The following AVPR2 variants were observed in gnomAD, a reference collection of about 807,000 sequenced individuals.
AVPR2 encodes the protein vasopressin V2 receptor.
Under a neutral mutation model 12.0 loss-of-function variants are expected in AVPR2, and 3 were observed. The observed-to-expected ratio is 0.25, with a 90% confidence interval of 0.11 to 0.64. The LOEUF is 0.64. Ranked by LOEUF, AVPR2 falls within the 30% of genes least tolerant of loss-of-function variation. The pLI is 0.84. For missense variants in AVPR2, 279 were observed against 347.9 expected (o/e 0.80, Z 1.58); for synonymous variants, 143 against 147.5 (o/e 0.97, Z 0.22).
Position 153,904,999 on chromosome X carries a change from T to C in AVPR2, c.-147T>C, listed in dbSNP as rs782507765. On this transcript the variant is annotated 5_prime_UTR_variant, in exon 2 of 4. Transcript: ENST00000646375. ...GACTGGCCATACTGCCACCGACACG[T>C]GCACACACGCCAACAGGCATCTGCC... 4.2e-5 allele frequency: 35 copies of C among 842,833 alleles called. No individual in the cohort carries two copies. Among genetic ancestry groups the C allele is most frequent in the Non-Finnish European group, 1.2e-5 (7 of 564,225 alleles). The allele number at this position is 842,833 out of a possible 1,213,427, so 69.5% of individuals were successfully genotyped here. A position where few individuals can be genotyped will look rare whatever the true frequency, so the allele number is the denominator to read the frequency against.
Position 153,905,017 on chromosome X carries a change from C to A in AVPR2, c.-129C>A, listed in dbSNP as rs1557100243. Reference sequence around the variant, plus strand: ...CGACACGTGCACACACGCCAACAGGCATCTGCCATGCTGGCATCTCTATAA... The same window carrying A: ...CGACACGTGCACACACGCCAACAGGAATCTGCCATGCTGGCATCTCTATAA... On this transcript the variant is annotated 5_prime_UTR_variant, in exon 2 of 4. Coordinates refer to ENST00000646375, the MANE Select transcript of AVPR2 (RefSeq NM_000054.7). The A allele has an allele frequency of 4.2e-6, 4 of 953,220 alleles. No homozygotes were observed. Among genetic ancestry groups the A allele is most frequent in the Non-Finnish European group, 6.0e-6 (4 of 661,992 alleles). 78.6% of individuals were successfully genotyped at this position (953,220 alleles called of 1,213,427 possible).
At position 153,906,719 on chromosome X, in the gene AVPR2, T is replaced by A; in HGVS notation, c.1107T>A (p.Thr369=). 1 of 1,210,357 alleles carries A rather than the reference T, an allele frequency of 8.3e-7. No homozygotes were observed. Among genetic ancestry groups the A allele is most frequent in the Non-Finnish European group, 1.1e-6 (1 of 894,096 alleles). The change falls in exon 4 of 4, where the codon ACT becomes ACA. Residue 369 remains threonine, a synonymous_variant. Coordinates refer to ENST00000646375, the MANE Select transcript of AVPR2 (RefSeq NM_000054.7). ...CCAGCTCCTCCCTGGCCAAGGACAC[T>A]TCATCGTGAGGAGCTGTTGGGTGTC... ...TTASSSLAKD[T]SS
chrX:153,903,996 GTTC>G (rs1252915431), upstream of AVPR2, among the ~76,000 whole-genome samples: 1 of 111,188 alleles, frequency 9.0e-6, no homozygotes, highest in Admixed American at 9.4e-5. Flanking sequence ...CTCATGGTAT[GTTC>G]AAGAACATGA....
chrX:153,906,062 G>C lies in AVPR2; in HGVS notation c.556G>C (p.Gly186Arg). The change falls in exon 3 of 4, where the codon GGC becomes CGC. Residue 186 changes from glycine (G) to arginine (R), a missense_variant. Gly to Arg is a moderately radical substitution (Grantham distance 125, BLOSUM62 -2). Coordinates refer to ENST00000646375, the MANE Select transcript of AVPR2 (RefSeq NM_000054.7). ...CTTCGCCCAGCGCAACGTGGAAGGT[G>C]GCAGCGGGGTCACTGACTGCTGGGC... ...FIFAQRNVEG[G>R]SGVTDCWACF... is the part of the protein sequence containing the mutation. 8.3e-7 allele frequency: 1 copy of C among 1,211,802 alleles called. No individual in the cohort carries two copies. Among genetic ancestry groups the C allele is most frequent in the Non-Finnish European group, 1.1e-6 (1 of 895,555 alleles).
At position 153,906,048 on chromosome X, in the gene AVPR2, G is replaced by A. The variant is rs141876414; in HGVS notation, c.542G>A (p.Arg181His). 132 of 1,210,174 alleles carry A rather than the reference G, an allele frequency of 1.1e-4. No individual in the cohort carries two copies. In the African/African-American group the frequency reaches 1.7e-3, roughly 16 times the overall value. The change falls in exon 3 of 4, where the codon CGC (arginine) becomes CAC (histidine). Residue 181 changes from arginine (R) to histidine (H), a missense_variant. By Grantham distance (29) the Arg-to-His change is conservative. Coordinates refer to ENST00000646375, the MANE Select transcript of AVPR2 (RefSeq NM_000054.7). ...SLPQLFIFAQ[R>H]NVEGGSGVTD... ...CCCCAGCTCTTCATCTTCGCCCAGC[G>A]CAACGTGGAAGGTGGCAGCGGGGTC...
intron 2 of AVPR2, 148 bp downstream of exon 2, chrX:153,905,318 C>A: frequency 1.0e-6 from 1 of 968,794 alleles, no homozygotes; most frequent in Non-Finnish European, 1.4e-6. Context: ...AGCCCCACTT[C>A]CCCGCCAGGG....
At chrX:153,903,246 A>G (rs1338528642), upstream of AVPR2, among the ~76,000 whole-genome samples, 2 of 113,373 alleles carry the variant, frequency 1.8e-5, no homozygotes, top group African/African-American at 6.4e-5. Context: ...TATTGGGGAC[A>G]GCATGAGGAT....
intron 2 of AVPR2, 142 bp from the exon 3 acceptor site, chrX:153,905,390 T>G: frequency 1.2e-6 from 1 of 805,612 alleles, no homozygotes; most frequent in Non-Finnish European, 1.8e-6. Flanking sequence ...CTGGGGTGTG[T>G]ATCCCTCATA....
chrX:153,906,874 C>G lies in AVPR2; in HGVS notation c.*146C>G, dbSNP rs781972447. ...GGCTGGGACACTGTGTGGCCCTGGA[C>G]AAGCCACAGCCCCTGCCTGGGTCTC... On this transcript the variant is annotated 3_prime_UTR_variant, in exon 4 of 4. Transcript: ENST00000646375. 1 of 622,066 alleles carries G rather than the reference C, an allele frequency of 1.6e-6. No homozygotes were observed. The highest frequency in any genetic ancestry group is 2.6e-6 in the Non-Finnish European group (1 of 382,605). 51.3% of individuals were successfully genotyped at this position (622,066 alleles called of 1,213,427 possible).
chrX:153,902,760 G>A (rs1467678806), upstream of AVPR2: 1 of 328,617 alleles, frequency 3.0e-6, no homozygotes, highest in Non-Finnish European at 5.9e-6. Flanking sequence ...GAGGAGTCCA[G>A]GGGGGCAGAG....
Position 153,905,686 on chromosome X carries a change from G to A in AVPR2, c.180G>A (p.Ala60=), listed in dbSNP as rs5199. ...AVALSNGLVL[A]ALARRGRRGH... ...CCCTGAGCAATGGCCTGGTGCTGGC[G>A]GCCCTAGCTCGGCGGGGCCGGCGGG... Residue 60 remains alanine (A), a synonymous_variant, in exon 3 of 4, where the codon GCG becomes GCA. Transcript: ENST00000646375. The A allele has an allele frequency of 3.2e-5, 39 of 1,210,472 alleles. No homozygotes were observed. In the African/African-American group the frequency reaches 5.9e-4, roughly 18 times the overall value.
Position 153,905,163 on chromosome X carries a change from C to T in AVPR2, c.18C>T (p.Thr6=), listed in dbSNP as rs1473798821. The T allele has an allele frequency of 5.0e-6, 6 of 1,210,687 alleles. No homozygotes were observed. The African/African-American group carries it at 1.0e-4, about 21-fold the overall frequency. MLMAS[T]TSAVPGHPSL... ...GCCCCACCATGCTCATGGCGTCCAC[C>T]ACTTCCGGTAAGGCTTGCCCCTCCA... The change falls in exon 2 of 4, where the codon ACC becomes ACT. Residue 6 remains threonine, a synonymous_variant. Transcript: ENST00000646375.
upstream of AVPR2, among the ~76,000 whole-genome samples, chrX:153,903,598 T>C (rs2064944735): frequency 9.0e-6 from 1 of 110,605 alleles, no homozygotes; most frequent in Admixed American, 9.6e-5. Context: ...CATGTATGTA[T>C]GTGGTGTGGT....
rs1431098695 is a variant in AVPR2, at chrX:153,906,252, G to A, written c.746G>A (p.Arg249Lys). The A allele has an allele frequency of 8.3e-7, 1 of 1,206,443 alleles. No homozygotes were observed. The highest frequency in any genetic ancestry group is 1.7e-5 in the African/African-American group (1 of 57,480). ...TCAGAGAGGCCTGGGGGGCGCCGCA[G>A]GGGACGCCGGACAGGCAGCCCCGGT... ...GPSERPGGRR[R>K]GRRTGSPGEG... The change falls in exon 3 of 4, where the codon AGG becomes AAG. Residue 249 changes from arginine (R) to lysine (K), a missense_variant. By Grantham distance (26) the Arg-to-Lys change is conservative. Transcript: ENST00000646375.
In AVPR2 at chrX:153,905,169, C is replaced by T. The variant is rs201419746; in HGVS notation, c.24C>T (p.Ser8=). 17 of 1,210,664 alleles carry T rather than the reference C, an allele frequency of 1.4e-5. No individual in the cohort carries two copies. The highest frequency in any genetic ancestry group is 6.5e-5 in the Admixed American group (3 of 45,960). Residue 8 remains serine (S), a splice_region_variant and synonymous_variant, in exon 2 of 4, where the codon TCC becomes TCT. Coordinates refer to ENST00000646375, the MANE Select transcript of AVPR2 (RefSeq NM_000054.7). Reference sequence around the variant, plus strand: ...CCATGCTCATGGCGTCCACCACTTCCGGTAAGGCTTGCCCCTCCATGAGTC... The same window carrying T: ...CCATGCTCATGGCGTCCACCACTTCTGGTAAGGCTTGCCCCTCCATGAGTC... MLMASTT[S]AVPGHPSLPS...
At chrX:153,903,250 T>G (rs2064942283), upstream of AVPR2, among the ~76,000 whole-genome samples, 1 of 112,998 alleles carries the variant, frequency 8.8e-6, no homozygotes, top group Non-Finnish European at 1.9e-5. Context: ...GGGGACAGCA[T>G]GAGGATGTGC....
intron 2 of AVPR2, among the ~76,000 whole-genome samples, 155 bp downstream of exon 2, chrX:153,905,325 AGGGCTGGGGCTGGGGCTG>A (rs1236639144): frequency 8.9e-6 from 1 of 112,621 alleles, no homozygotes; most frequent in Non-Finnish European, 1.9e-5. Context: ...CTTCCCCGCC[AGGGCTGGGGCTGGGGCTG>A]GGGCTGGGGC....
chrX:153,904,238 C>T (rs906991434), upstream of AVPR2, among the ~76,000 whole-genome samples: 5 of 111,917 alleles, frequency 4.5e-5, no homozygotes, highest in Non-Finnish European at 9.4e-5. Context: ...CCCTCGTCTC[C>T]GGCCAACTGG....
chrX:153,905,982 C>T lies in AVPR2; in HGVS notation c.476C>T (p.Pro159Leu), dbSNP rs1557100680. The change falls in exon 3 of 4, where the codon CCG becomes CTG. Residue 159 changes from proline to leucine, a missense_variant. Pro to Leu is a moderately conservative substitution (Grantham distance 98). Coordinates refer to ENST00000646375, the MANE Select transcript of AVPR2 (RefSeq NM_000054.7). Reference protein sequence around the residue: ...RHGSGAHWNRPVLVAWAFSLL... With the variant: ...RHGSGAHWNRLVLVAWAFSLL... Reference sequence around the variant, plus strand: ...GGAAGTGGGGCTCACTGGAACCGGCCGGTGCTAGTGGCTTGGGCCTTCTCG... The same window carrying T: ...GGAAGTGGGGCTCACTGGAACCGGCTGGTGCTAGTGGCTTGGGCCTTCTCG... 1.2e-5 allele frequency: 15 copies of T among 1,204,911 alleles called. No homozygotes were observed. The highest frequency in any genetic ancestry group is 6.9e-5 in the African/African-American group (4 of 57,766).
Sources: gnomAD v4.1 joint callset for allele counts (sites outside exome capture counted in the v4.1 genomes callset) on GRCh38, gnomAD v4.1.1 for gene constraint, MANE v1.5 for transcripts, NCBI Gene and HGNC (gene_info 2026-07-23, HGNC 2026-07-21) for gene names.